HSPA12A: variants seen among roughly 807,000 people sequenced by gnomAD.
HSPA12A encodes the protein heat shock protein family A (Hsp70) member 12A, also known as heat shock 70 kDa protein 12A.
In HSPA12A, 28 loss-of-function variants were observed where a neutral mutation model predicts 69.2. The ratio of observed to expected loss-of-function variants is 0.40; its 90% CI spans 0.30 to 0.55. The LOEUF (loss-of-function observed/expected upper bound fraction) is 0.55. Among genes scored for constraint, HSPA12A ranks in the 20% least tolerant of loss-of-function variants. HSPA12A has a pLI of 0.38. For synonymous variants in HSPA12A, 345 were observed against 370.5 expected (o/e 0.93, Z 0.79); for missense variants, 686 against 900.7 (o/e 0.76, Z 3.05).
At chr10:116,771,235 G>T (rs1049353406) in intron 2 of HSPA12A, among the ~76,000 whole-genome samples, 1 of 152,220 alleles carries the variant, frequency 6.6e-6, no homozygotes, top group Non-Finnish European at 1.5e-5. Context: ...CCAGTGACAC[G>T]CTCTGAAGAG....
In HSPA12A at chr10:116,675,484, TG is replaced by T. The variant is rs1849208934; in HGVS notation, c.1391-67del. The T allele has an allele frequency of 1.4e-6, 2 of 1,471,684 alleles. No individual in the cohort carries two copies. The highest frequency in any genetic ancestry group is 4.8e-5 in the Admixed American group (2 of 41,588). 91.2% of individuals were successfully genotyped at this position (1,471,684 alleles called of 1,614,324 possible). On this transcript the variant is annotated intron_variant, in intron 11 of 11. Transcript: ENST00000369209. The surrounding 1 kb of genome is among the most constrained non-coding windows in gnomAD (Gnocchi z 5.2). ...GCCAGCAAGGAAGGGGGAACTGGGCTGCCTGCATCTGTGGGGAACGGATAAA... is the reference window on the plus strand; with the variant it reads ...GCCAGCAAGGAAGGGGGAACTGGGCTCCTGCATCTGTGGGGAACGGATAAA...
intron 2 of HSPA12A, among the ~76,000 whole-genome samples, chr10:116,782,979 T>A (rs928923929): frequency 1.3e-5 from 2 of 152,104 alleles, no homozygotes; most frequent in African/African-American, 4.8e-5. Context: ...GCAGAGAACA[T>A]GGTGGGCCCC....
intron 2 of HSPA12A, chr10:116,831,488 CAA>C (rs1463272186): frequency 6.6e-6 from 1 of 152,136 alleles, no homozygotes; most frequent in Non-Finnish European, 1.5e-5. Flanking sequence ...GGTTCAAGGT[CAA>C]AGAGAAGCCA....
intron 2 of HSPA12A, among the ~76,000 whole-genome samples, chr10:116,798,989 C>T (rs537678044): frequency 2.0e-5 from 3 of 152,202 alleles, no homozygotes; most frequent in South Asian, 2.1e-4. Context: ...AGGGAGTGGC[C>T]GACAGGGCCC....
rs141252292 is a variant in HSPA12A, at chr10:116,709,341, G to A, written c.41-2056C>T. Among the ~76,000 whole-genome samples, 335 of 151,950 alleles carry A rather than the reference G, an allele frequency of 2.2e-3. 1 individual carries two copies. Among genetic ancestry groups the A allele is most frequent in the African/African-American group, 7.2e-3 (300 of 41,454 alleles). ...CACATGCCTGTAGTCCCAGCTACTC[G>A]GGAGGCTGAGACAGGAGAATCATTT... On this transcript the variant is annotated intron_variant, in intron 1 of 11. Transcript: ENST00000369209.
At chr10:116,676,553 C>T (rs782545016) in intron 10 of HSPA12A, 51 bp from the exon 11 acceptor site, 8 of 1,394,678 alleles carry the variant, frequency 5.7e-6, no homozygotes, top group Middle Eastern at 1.8e-4. Flanking sequence ...CTACACGATA[C>T]CCAGGCTTAT....
chr10:116,674,873 T>A lies in HSPA12A; in HGVS notation c.1936A>T (p.Met646Leu), dbSNP rs1849179912. The A allele has an allele frequency of 6.2e-7, 1 of 1,613,850 alleles. No individual in the cohort carries two copies. Among genetic ancestry groups the A allele is most frequent in the Admixed American group, 1.7e-5 (1 of 60,004 alleles). ...VPARREIQTLMQFGDTEIKAT... is the reference protein window; with the variant it reads ...VPARREIQTLLQFGDTEIKAT... ...TTGATCTCGGTGTCCCCGAACTGCA[T>A]AAGGGTCTGGATCTCCCTCCGGGCG... Residue 646 changes from methionine to leucine, a missense_variant, in exon 12 of 12, where the codon ATG (methionine) becomes TTG (leucine). Met to Leu is a conservative substitution (Grantham distance 15). Coordinates refer to ENST00000369209, the MANE Select transcript of HSPA12A (RefSeq NM_025015.3).
chr10:116,848,213 G>A (rs1240124087), intron 1 of HSPA12A, among the ~76,000 whole-genome samples: 1 of 152,206 alleles, frequency 6.6e-6, no homozygotes, highest in South Asian at 2.1e-4. Context: ...CTACCGTCAG[G>A]GGATTTCCAT....
intron 1 of HSPA12A, among the ~76,000 whole-genome samples, chr10:116,718,810 A>T (rs1850685526): frequency 6.6e-6 from 1 of 151,878 alleles, no homozygotes; most frequent in South Asian, 2.1e-4. Flanking sequence ...AATGCTGGGT[A>T]AGGTACTAAG....
At chr10:116,707,828 C>A (rs1554882695) in intron 1 of HSPA12A, among the ~76,000 whole-genome samples, 1 of 152,092 alleles carries the variant, frequency 6.6e-6, no homozygotes, top group Non-Finnish European at 1.5e-5. Context: ...TGCACCAGCT[C>A]CTCCCTCCCC....
chr10:116,716,387 G>A (rs1273186016), intron 1 of HSPA12A, among the ~76,000 whole-genome samples: 1 of 150,302 alleles, frequency 6.7e-6, no homozygotes, highest in Non-Finnish European at 1.5e-5. Context: ...GCTGATGTTA[G>A]ATGCCACCCT....
upstream of HSPA12A, chr10:116,850,165 CT>C: frequency 3.9e-6 from 1 of 253,506 alleles, no homozygotes; most frequent in South Asian, 4.0e-5. Flanking sequence ...TTGGCGTTTG[CT>C]ACAACTTGGC....
intron 1 of HSPA12A, chr10:116,849,381 GAC>G: frequency 1.4e-6 from 1 of 736,296 alleles, no homozygotes; most frequent in East Asian, 3.3e-5. Flanking sequence ...AGGGAGAAAA[GAC>G]AGAGCAGCGA....
chr10:116,834,645 C>A (rs1215010592), intron 2 of HSPA12A, among the ~76,000 whole-genome samples: 1 of 152,182 alleles, frequency 6.6e-6, no homozygotes, highest in Non-Finnish European at 1.5e-5. Context: ...GCTAGGTCCA[C>A]AATCTGTGCG....
chr10:116,768,281 A>T (rs1238805211), intron 2 of HSPA12A, among the ~76,000 whole-genome samples: 3 of 152,258 alleles, frequency 2.0e-5, no homozygotes, highest in Admixed American at 2.0e-4. Flanking sequence ...TTCCATTTAT[A>T]TGAAATGCCT....
At chr10:116,683,561 C>A in intron 7 of HSPA12A, 1 of 382,032 alleles carries the variant, frequency 2.6e-6, no homozygotes. Context: ...CTCCCCGCCC[C>A]CAGACACTTG....
At chr10:116,746,201 A>G (rs529836691), upstream of HSPA12A, among the ~76,000 whole-genome samples, 1 of 152,042 alleles carries the variant, frequency 6.6e-6, no homozygotes, top group African/African-American at 2.4e-5. Flanking sequence ...TCAGCCCCCA[A>G]ACAAACCCCC....
At chr10:116,705,893 C>CT (rs369606540) in intron 2 of HSPA12A, among the ~76,000 whole-genome samples, 50,979 of 115,506 alleles carry the variant, frequency 0.44, 12,203 homozygotes, top group Middle Eastern at 0.59. Context: ...TCTCTCTCTC[C>CT]TTTTTTTTTT....
chr10:116,814,115 A>G (rs1420186768), intron 2 of HSPA12A, among the ~76,000 whole-genome samples: 1 of 152,230 alleles, frequency 6.6e-6, no homozygotes, highest in Non-Finnish European at 1.5e-5. Flanking sequence ...TCAGCAAAGA[A>G]TTAGAATCTA....
Sources: gnomAD v4.1 joint callset for allele counts (sites outside exome capture counted in the v4.1 genomes callset) on GRCh38, gnomAD v4.1.1 for gene constraint, Gnocchi (gnomAD v3.1) non-coding constraint, MANE v1.5 for transcripts, NCBI Gene and HGNC (gene_info 2026-07-23, HGNC 2026-07-21) for gene names.